The following BCAT1 variants were observed in gnomAD, a reference collection of about 807,000 sequenced individuals.
BCAT1 encodes branched chain amino acid transaminase 1.
Under a neutral mutation model 52.4 loss-of-function variants are expected in BCAT1, and 48 were observed. The observed-to-expected ratio is 0.92, with a 90% CI of 0.73 to 1.16. The LOEUF (loss-of-function observed/expected upper bound fraction) is 1.16, where lower values mean the gene tolerates loss of function less well. BCAT1 is among the 50% of genes most tolerant of loss of function. BCAT1 has a pLI of 0.00. For synonymous variants in BCAT1, 167 were observed against 161.3 expected (o/e 1.04, Z -0.27); for missense variants, 451 against 457.1 (o/e 0.99, Z 0.12).
intron 5 of BCAT1, among the ~76,000 whole-genome samples, chr12:24,866,920 T>C (rs1026372115): frequency 1.3e-4 from 20 of 152,184 alleles, no homozygotes; most frequent in Middle Eastern, 3.2e-3. Context: ...CCTTCCATAC[T>C]GTGGAAGCTT....
chr12:24,935,215 C>T (rs1943734340), intron 1 of BCAT1, among the ~76,000 whole-genome samples: 1 of 152,066 alleles, frequency 6.6e-6, no homozygotes, highest in Admixed American at 6.5e-5. Context: ...GAAACCACCT[C>T]TCATTGGATC....
At chr12:24,941,203 T>C (rs1030966915) in intron 1 of BCAT1, among the ~76,000 whole-genome samples, 3 of 152,252 alleles carry the variant, frequency 2.0e-5, no homozygotes, top group South Asian at 4.1e-4. Flanking sequence ...TCTTTTTGTA[T>C]GAATTTTCCT....
At chr12:24,851,125 C>T (rs1253873472) in intron 5 of BCAT1, among the ~76,000 whole-genome samples, 5 of 152,136 alleles carry the variant, frequency 3.3e-5, no homozygotes, top group African/African-American at 7.2e-5. Context: ...GAAATGATCA[C>T]TGGGCTATCC....
At chr12:24,890,317 G>C (rs932188795) in intron 3 of BCAT1, among the ~76,000 whole-genome samples, 2 of 152,100 alleles carry the variant, frequency 1.3e-5, no homozygotes, top group Non-Finnish European at 2.9e-5. Flanking sequence ...GAGGTGTTTG[G>C]ACCAGAGCGA....
At chr12:24,908,761 A>C (rs893154656) in intron 1 of BCAT1, among the ~76,000 whole-genome samples, 2 of 152,216 alleles carry the variant, frequency 1.3e-5, no homozygotes, top group African/African-American at 4.8e-5. Flanking sequence ...ATAAACATTA[A>C]AAATTTTTTC....
chr12:24,855,444 A>T (rs1210199214), intron 5 of BCAT1, among the ~76,000 whole-genome samples: 5 of 152,006 alleles, frequency 3.3e-5, no homozygotes, highest in Non-Finnish European at 7.4e-5. Flanking sequence ...GCAGTGGCGC[A>T]ATCTTGGCTC....
At position 24,874,079 on chromosome 12, in the gene BCAT1, C is replaced by T. The variant is rs558149387; in HGVS notation, c.510+4451G>A. Among the ~76,000 whole-genome samples the T allele has an allele frequency of 5.3e-3, 805 of 152,178 alleles. 4 individuals are homozygous for T. Among genetic ancestry groups the T allele is most frequent in the African/African-American group, 0.018 (762 of 41,508 alleles). The stretch of plus-strand genomic sequence containing the variant: ...CCTGTAATCCAGCACTTTGGGAGGC[C>T]GAGGTGGGCAGAACACCTGAGGTCA... On this transcript the variant is annotated intron_variant, in intron 5 of 10. Transcript: ENST00000261192.
chr12:24,875,801 A>C (rs1378997293), intron 5 of BCAT1, among the ~76,000 whole-genome samples: 1 of 152,240 alleles, frequency 6.6e-6, no homozygotes, highest in Non-Finnish European at 1.5e-5. Flanking sequence ...GTCTAACTCT[A>C]GATTACAGGA....
At chr12:24,880,797 T>C (rs1298280448) in intron 4 of BCAT1, among the ~76,000 whole-genome samples, 2 of 151,884 alleles carry the variant, frequency 1.3e-5, no homozygotes, top group Non-Finnish European at 2.9e-5. Context: ...TTTTAAAAAA[T>C]TGTGGAATTG....
intron 1 of BCAT1, among the ~76,000 whole-genome samples, chr12:24,909,294 T>G (rs540437242): frequency 6.6e-6 from 1 of 152,314 alleles, no homozygotes; most frequent in South Asian, 2.1e-4. Context: ...AATTCCTACC[T>G]GCCAAACCCT....
rs375191228 is a variant in BCAT1 at position 24,879,289 on chromosome 12, GTA to G, written c.391-642_391-641del. On this transcript the variant is annotated intron_variant, in intron 4 of 10. Coordinates refer to ENST00000261192, the MANE Select transcript of BCAT1 (RefSeq NM_005504.7). ...CATGATCAACAAAGAATTTTAACTG[GTA>G]TATATATTTGGATATCCCCAAAGTC... Among the ~76,000 whole-genome samples, 1,085 of 152,196 alleles carry G rather than the reference GTA, an allele frequency of 7.1e-3. 8 individuals are homozygous for G. The highest frequency in any genetic ancestry group is 0.011 in the Non-Finnish European group (774 of 68,008).
chr12:24,867,586 G>A (rs551257801), intron 5 of BCAT1, among the ~76,000 whole-genome samples: 2 of 152,262 alleles, frequency 1.3e-5, no homozygotes, highest in African/African-American at 4.8e-5. Flanking sequence ...CTCAAAAGCA[G>A]GAGCATGGCA....
At chr12:24,820,888 C>G (rs1483912040) in intron 10 of BCAT1, among the ~76,000 whole-genome samples, 2 of 152,044 alleles carry the variant, frequency 1.3e-5, no homozygotes, top group African/African-American at 2.4e-5. Context: ...GTCATGCAGT[C>G]ACTCTACGCA....
At chr12:24,936,266 G>A (rs143261910) in intron 1 of BCAT1, among the ~76,000 whole-genome samples, 5 of 152,266 alleles carry the variant, frequency 3.3e-5, no homozygotes, top group South Asian at 4.1e-4. Flanking sequence ...GAAGTCTCAC[G>A]CTGTAGCCCA....
At chr12:24,853,366 A>G (rs1023634607) in intron 5 of BCAT1, among the ~76,000 whole-genome samples, 1 of 152,184 alleles carries the variant, frequency 6.6e-6, no homozygotes, top group Non-Finnish European at 1.5e-5. Flanking sequence ...CCAAAATATC[A>G]CACGTCCGCA....
At chr12:24,948,038 T>C (rs767862436) in intron 1 of BCAT1, among the ~76,000 whole-genome samples, 7 of 152,248 alleles carry the variant, frequency 4.6e-5, no homozygotes, top group African/African-American at 9.6e-5. Context: ...ATAAGAGCAG[T>C]TGAGAACCAC....
chr12:24,906,671 G>C (rs951170767), intron 1 of BCAT1, among the ~76,000 whole-genome samples: 1 of 152,154 alleles, frequency 6.6e-6, no homozygotes, highest in African/African-American at 2.4e-5. Context: ...CCATTAAACT[G>C]TATTTGAAAA....
chr12:24,879,982 GAGA>G (rs1470924036), intron 4 of BCAT1, among the ~76,000 whole-genome samples: 2 of 152,190 alleles, frequency 1.3e-5, no homozygotes, highest in Admixed American at 6.6e-5. Context: ...TAGCTGTAAT[GAGA>G]AGAAGAGCGA....
chr12:24,889,011 C>T (rs1429166805), intron 3 of BCAT1, among the ~76,000 whole-genome samples: 1 of 152,164 alleles, frequency 6.6e-6, no homozygotes, highest in Non-Finnish European at 1.5e-5. Flanking sequence ...ACCAGACTTC[C>T]CGGTGTGCTA....
Sources: allele counts gnomAD v4.1 joint callset (sites outside exome capture counted in the v4.1 genomes callset), GRCh38; gene constraint gnomAD v4.1.1; transcripts MANE v1.5; gene names NCBI Gene and HGNC (gene_info 2026-07-23, HGNC 2026-07-21).